Variants in YJU2 observed in about 807,000 individuals in gnomAD.
The protein encoded by YJU2 is YJU2 splicing factor homolog.
In YJU2, 28 loss-of-function variants were observed where a neutral mutation model predicts 39.6. The ratio of observed to expected loss-of-function variants is 0.71; its 90% confidence interval spans 0.52 to 0.97. The LOEUF (loss-of-function observed/expected upper bound fraction) is 0.97, where lower values mean the gene tolerates loss of function less well. YJU2 is among the 50% of genes least tolerant of loss of function. The pLI is 0.00. For synonymous variants in YJU2, 184 were observed against 182.4 expected, an observed-to-expected ratio of 1.01 and a Z score of -0.07; for missense variants, 328 against 430.4, an observed-to-expected ratio of 0.76 and a Z score of 2.11.
chr19:4,249,055 T>C (rs1277521415), intron 1 of YJU2, among the ~76,000 whole-genome samples, 173 bp from the exon 2 acceptor site: 1 of 152,148 alleles, frequency 6.6e-6, no homozygotes, highest in Non-Finnish European at 1.5e-5. Context: ...TCAGGAAGCT[T>C]GTGCCTGGCC....
Position 4,254,399 on chromosome 19 carries a change from G to A in YJU2, c.315G>A (p.Thr105=), listed in dbSNP as rs779516389. 8.2e-5 allele frequency: 133 copies of A among 1,613,742 alleles called. No homozygotes were observed. The highest frequency in any genetic ancestry group is 1.0e-4 in the Non-Finnish European group (119 of 1,179,954). ...NTDYTMEHGA[T]RNFQAEKLLE... ...ACTACACCATGGAGCATGGAGCCACGCGGAATTTCCAGGCTGAGAAGCTCC... is the reference window on the plus strand; with the variant it reads ...ACTACACCATGGAGCATGGAGCCACACGGAATTTCCAGGCTGAGAAGCTCC... The change falls in exon 4 of 8, where the codon ACG becomes ACA. Residue 105 remains threonine, a synonymous_variant. Coordinates refer to ENST00000262962, the MANE Select transcript of YJU2 (RefSeq NM_018074.6).
rs761534988 is a variant in YJU2 at position 4,254,528 on chromosome 19, T to G, written c.405+39T>G. On this transcript the variant is annotated intron_variant, in intron 4 of 7. Transcript: ENST00000262962. ...CATGTAGGTGTTCATGGGCGCTGTGTGTGTGGGTGTGTGTGTGTGCCAATG... is the reference window on the plus strand; with the variant it reads ...CATGTAGGTGTTCATGGGCGCTGTGGGTGTGGGTGTGTGTGTGTGCCAATG... The G allele has an allele frequency of 6.0e-6, 9 of 1,509,220 alleles. No individual in the cohort carries two copies. The Admixed American group carries it at 9.3e-5, about 16-fold the overall frequency. 93.5% of individuals were successfully genotyped at this position (1,509,220 alleles called of 1,614,324 possible).
intron 5 of YJU2, 124 bp downstream of exon 5, chr19:4,258,547 G>A (rs568184504): frequency 4.3e-5 from 60 of 1,385,782 alleles, no homozygotes; most frequent in African/African-American, 1.3e-4. Flanking sequence ...CTTTCCCACC[G>A]CCCATCTCAC....
chr19:4,253,237 A>ACACAC, intron 3 of YJU2, among the ~76,000 whole-genome samples: 5 of 147,184 alleles, frequency 3.4e-5, no homozygotes, highest in African/African-American at 1.0e-4. Context: ...ACACACACAC[A>ACACAC]AATTTTAATT....
intron 1 of YJU2, chr19:4,248,175 A>G (rs79282815): frequency 0.058 from 8,847 of 152,392 alleles, 498 homozygotes; most frequent in South Asian, 0.3. Context: ...GGCCCCACGC[A>G]GGTCTTTCTA....
chr19:4,247,615 GT>G (rs1568359582), intron 1 of YJU2, among the ~76,000 whole-genome samples: 11,341 of 37,328 alleles, frequency 0.3, 3,073 homozygotes, highest in South Asian at 0.49. Context: ...GTGTGTGTGT[GT>G]GTGTGTGTGT....
intron 4 of YJU2, among the ~76,000 whole-genome samples, chr19:4,255,500 C>T (rs1421813557): frequency 6.6e-6 from 1 of 151,884 alleles, no homozygotes; most frequent in Non-Finnish European, 1.5e-5. Context: ...GAGGCCAAGG[C>T]AGGTGGATCA....
At position 4,251,011 on chromosome 19, in the gene YJU2, A is replaced by C; in HGVS notation, c.126-16A>C. 6.2e-7 allele frequency: 1 copy of C among 1,613,456 alleles called. No homozygotes were observed. The highest frequency in any genetic ancestry group is 8.5e-7 in the Non-Finnish European group (1 of 1,179,508). ...GCGTCCCAAGACAGCTCACATCCCTACATGCTGCCCCGCAGGTGTAAGACG... is the reference window on the plus strand; with the variant it reads ...GCGTCCCAAGACAGCTCACATCCCTCCATGCTGCCCCGCAGGTGTAAGACG... On this transcript the variant is annotated splice_polypyrimidine_tract_variant and intron_variant, in intron 2 of 7. Transcript: ENST00000262962.
chr19:4,249,712 T>C (rs572324620), intron 2 of YJU2, among the ~76,000 whole-genome samples: 6 of 151,950 alleles, frequency 3.9e-5, no homozygotes, highest in African/African-American at 1.4e-4. Context: ...TTCTTTCTTT[T>C]TTTTTTTTTG....
At chr19:4,253,972 C>T (rs1970998528) in intron 3 of YJU2, among the ~76,000 whole-genome samples, 1 of 152,046 alleles carries the variant, frequency 6.6e-6, no homozygotes, top group Admixed American at 6.6e-5. Context: ...CTTGCCCTGC[C>T]TAATTTTTTG....
intron 5 of YJU2, among the ~76,000 whole-genome samples, chr19:4,261,793 C>T (rs771153811): frequency 3.3e-5 from 5 of 152,012 alleles, no homozygotes; most frequent in Non-Finnish European, 5.9e-5. Flanking sequence ...TGTGCCACTT[C>T]ACCCTCCCTG....
At chr19:4,265,593 T>C (rs1971109031) in intron 6 of YJU2, among the ~76,000 whole-genome samples, 1 of 150,706 alleles carries the variant, frequency 6.6e-6, no homozygotes, top group African/African-American at 2.5e-5. Flanking sequence ...CTAACCTAGG[T>C]AACTTTTTTT....
rs1422162672 is a variant in YJU2, at chr19:4,251,073, G to T, written c.172G>T (p.Ala58Ser). 1.2e-6 allele frequency: 2 copies of T among 1,614,178 alleles called. No homozygotes were observed. Among genetic ancestry groups the T allele is most frequent in the East Asian group, 4.5e-5 (2 of 44,878 alleles). ...CATCTACAAGGGGAAGAAATTCAATGCTCGGAAGGAGACGGTGCAGAACGA... is the reference window on the plus strand; with the variant it reads ...CATCTACAAGGGGAAGAAATTCAATTCTCGGAAGGAGACGGTGCAGAACGA... ...EYIYKGKKFN[A>S]RKETVQNEVY... Residue 58 changes from alanine (A) to serine (S), a missense_variant, in exon 3 of 8, where the codon GCT becomes TCT. Around this residue, in one of 2 missense-constraint regions of YJU2, gnomAD observed 84 missense variants for 165.8 expected, o/e 0.51. Transcript: ENST00000262962.
intron 5 of YJU2, among the ~76,000 whole-genome samples, chr19:4,259,071 CTTTTT>C (rs34728075): frequency 2.2e-5 from 2 of 90,262 alleles, no homozygotes; most frequent in Non-Finnish European, 4.3e-5. Flanking sequence ...GAACACTTTT[CTTTTT>C]TTTTTTTTTT....
At position 4,262,301 on chromosome 19, in the gene YJU2, C is replaced by T. The variant is rs376061837; in HGVS notation, c.708+187C>T. Among the ~76,000 whole-genome samples, 5 of 152,116 alleles carry T rather than the reference C, an allele frequency of 3.3e-5. No homozygotes were observed. The East Asian group carries it at 5.8e-4, about 18-fold the overall frequency. On this transcript the variant is annotated intron_variant, in intron 6 of 7. Coordinates refer to ENST00000262962, the MANE Select transcript of YJU2 (RefSeq NM_018074.6). ...GCAACCTCTGCCTCCCAGGTTCAAGCGATTCTCCTGCCTCAGCCTCCCGAG... is the reference window on the plus strand; with the variant it reads ...GCAACCTCTGCCTCCCAGGTTCAAGTGATTCTCCTGCCTCAGCCTCCCGAG...
intron 5 of YJU2, among the ~76,000 whole-genome samples, chr19:4,259,167 C>T (rs1347121429): frequency 2.8e-5 from 3 of 108,462 alleles, no homozygotes; most frequent in Admixed American, 8.2e-5. Flanking sequence ...CTGCAAGCTC[C>T]GCCTCCCGGG....
At chr19:4,263,735 G>T (rs1299402604) in intron 6 of YJU2, among the ~76,000 whole-genome samples, 1 of 151,010 alleles carries the variant, frequency 6.6e-6, no homozygotes, top group East Asian at 2.0e-4. Flanking sequence ...ACTTGAACCT[G>T]GGAGGCAGAG....
intron 1 of YJU2, 43 bp downstream of exon 1, chr19:4,247,213 T>G: frequency 6.4e-7 from 1 of 1,568,024 alleles, no homozygotes; most frequent in Non-Finnish European, 8.7e-7. Flanking sequence ...GAGCAGGACA[T>G]CCCGGAACTC....
chr19:4,254,575 G>A (rs1443040818), intron 4 of YJU2, 86 bp downstream of exon 4: 7 of 1,445,948 alleles, frequency 4.8e-6, no homozygotes, highest in East Asian at 2.6e-5. Flanking sequence ...CCTGCCTCAG[G>A]TCCCCAAGGA....
Sources: gnomAD v4.1 joint callset for allele counts (sites outside exome capture counted in the v4.1 genomes callset) on GRCh38, gnomAD v4.1.1 for gene constraint, gnomAD v4.1.1 regional missense constraint, MANE v1.5 for transcripts, NCBI Gene and HGNC (gene_info 2026-07-23, HGNC 2026-07-21) for gene names.